The following NSG2 variants were observed in gnomAD, a reference collection of about 807,000 sequenced individuals.
NSG2 encodes neuronal vesicle trafficking-associated protein 2.
Under a neutral mutation model 16.9 loss-of-function variants are expected in NSG2, and 4 were observed. That is an observed-to-expected ratio of 0.24 (90% CI 0.12 to 0.54). The LOEUF is 0.54. Among genes scored for constraint, NSG2 ranks in the 20% least tolerant of loss-of-function variants. The pLI is 0.95. For synonymous variants in NSG2, 98 were observed against 88.7 expected, an observed-to-expected ratio of 1.11 and a Z score of -0.59; for missense variants, 179 against 221.1, an observed-to-expected ratio of 0.81 and a Z score of 1.21.
chr5:174,107,328 C>A lies in NSG2; in HGVS notation c.339C>A (p.Ile113=). ...TTCTTCCCCAGCACAAACGCTGTAT[C>A]CCAGCCTCCCTGGATGCTTACTACT... The part of the protein sequence containing the change: ...EGFVYKHKRC[I]PASLDAYYSS... The change falls in exon 5 of 5, where the codon ATC becomes ATA. Residue 113 remains isoleucine, a synonymous_variant. Transcript: ENST00000303177. This position sits in a 1 kb window ranked among gnomAD's most constrained non-coding sequence, Gnocchi z 4.5. 1 of 1,572,112 alleles carries A rather than the reference C, an allele frequency of 6.4e-7. No individual in the cohort carries two copies. The highest frequency in any genetic ancestry group is 8.7e-7 in the Non-Finnish European group (1 of 1,153,284).
intron 3 of NSG2, 111 bp downstream of exon 3, chr5:174,064,426 G>A (rs1760107973): frequency 1.7e-6 from 1 of 589,838 alleles, no homozygotes; most frequent in Non-Finnish European, 3.0e-6. Context: ...AATGATGCAG[G>A]CTATTTCTGG....
chr5:174,107,261 A>G lies in NSG2; in HGVS notation c.325-53A>G. On this transcript the variant is annotated intron_variant, in intron 4 of 4. Transcript: ENST00000303177. The surrounding 1 kb of genome is among the most constrained non-coding windows in gnomAD (Gnocchi z 4.5). ...AGTCAGGGTGGCTGTGTTGCTGGGCAGGTTGGGAGCAGTTTGCTGAATGAC... is the reference window on the plus strand; with the variant it reads ...AGTCAGGGTGGCTGTGTTGCTGGGCGGGTTGGGAGCAGTTTGCTGAATGAC... 1.4e-6 allele frequency: 2 copies of G among 1,460,002 alleles called. No homozygotes were observed. Among genetic ancestry groups the G allele is most frequent in the Non-Finnish European group, 1.8e-6 (2 of 1,086,986 alleles). 90.4% of individuals were successfully genotyped at this position (1,460,002 alleles called of 1,614,324 possible).
chr5:174,102,488 T>C (rs924639648), intron 3 of NSG2, among the ~76,000 whole-genome samples: 5 of 152,202 alleles, frequency 3.3e-5, no homozygotes, highest in Admixed American at 6.5e-5. Context: ...ACACAAATTC[T>C]GCTTGTAATA....
chr5:174,061,134 T>TAC (rs57892892), intron 2 of NSG2, among the ~76,000 whole-genome samples: 20,224 of 151,658 alleles, frequency 0.13, 1,793 homozygotes, highest in African/African-American at 0.25. Context: ...ATGTATATAT[T>TAC]ACACACACAC....
rs1759785817 is a variant in NSG2, at chr5:174,045,801, A to G, written c.-65A>G. On this transcript the variant is annotated 5_prime_UTR_variant, in exon 1 of 5. Coordinates refer to ENST00000303177, the MANE Select transcript of NSG2 (RefSeq NM_015980.5). ...ACTCCTGGCCGTCCTCCTCCTCTTC[A>G]AATTGGCTTGAATCTGCTCTGACCC... 1 of 152,394 alleles carries G rather than the reference A, an allele frequency of 6.6e-6. No homozygotes were observed. Among genetic ancestry groups the G allele is most frequent in the Admixed American group, 6.5e-5 (1 of 15,280 alleles). The allele number at this position is 152,394 out of a possible 1,614,324, so 9.4% of individuals were successfully genotyped here.
intron 2 of NSG2, among the ~76,000 whole-genome samples, chr5:174,058,322 T>C (rs934137735): frequency 6.6e-6 from 1 of 152,126 alleles, no homozygotes; most frequent in African/African-American, 2.4e-5. Flanking sequence ...TCCAAACTAC[T>C]CAGGAGGCTG....
intron 2 of NSG2, among the ~76,000 whole-genome samples, chr5:174,057,614 GA>G (rs1434291134): frequency 6.6e-6 from 1 of 152,188 alleles, no homozygotes; most frequent in Non-Finnish European, 1.5e-5. Context: ...TCCTGTGCCT[GA>G]AATGCATACC....
intron 3 of NSG2, chr5:174,084,105 C>G (rs781333708): frequency 6.6e-6 from 1 of 152,170 alleles, no homozygotes; most frequent in African/African-American, 2.4e-5. Flanking sequence ...ATACCTGCCT[C>G]CAACTTATGG....
intron 3 of NSG2, among the ~76,000 whole-genome samples, chr5:174,081,036 T>G (rs532374160): frequency 2.6e-5 from 4 of 152,278 alleles, no homozygotes; most frequent in Non-Finnish European, 5.9e-5. Flanking sequence ...TTTTGTTGTT[T>G]TTTAACTGGG....
intron 3 of NSG2, among the ~76,000 whole-genome samples, chr5:174,094,882 C>A (rs530116973): frequency 6.6e-6 from 1 of 152,328 alleles, no homozygotes; most frequent in Admixed American, 6.5e-5. Context: ...AGCCTCTCCC[C>A]TATCCCATGC....
chr5:174,050,870 C>T (rs536505348), intron 2 of NSG2, among the ~76,000 whole-genome samples: 16 of 152,178 alleles, frequency 1.1e-4, no homozygotes, highest in Admixed American at 8.5e-4. Flanking sequence ...GACTCACTGC[C>T]GCCAAGCCTC....
intron 2 of NSG2, among the ~76,000 whole-genome samples, chr5:174,060,836 A>G (rs1002039364): frequency 1.2e-4 from 18 of 152,182 alleles, no homozygotes; most frequent in Admixed American, 6.5e-4. Flanking sequence ...GCTGTCTTTC[A>G]GCATGTCAGT....
chr5:174,095,846 C>T (rs1051875172), intron 3 of NSG2, among the ~76,000 whole-genome samples: 4 of 152,172 alleles, frequency 2.6e-5, no homozygotes, highest in Non-Finnish European at 5.9e-5. Context: ...TTCCCCTGTC[C>T]TCTTTTTATG....
At chr5:174,063,411 A>T (rs539120280) in intron 2 of NSG2, among the ~76,000 whole-genome samples, 4 of 152,236 alleles carry the variant, frequency 2.6e-5, no homozygotes, top group Non-Finnish European at 5.9e-5. Context: ...AAATAAGATG[A>T]TACAACAGAT....
At chr5:174,085,418 G>C (rs1176713695) in intron 3 of NSG2, among the ~76,000 whole-genome samples, 3 of 152,160 alleles carry the variant, frequency 2.0e-5, no homozygotes, top group Non-Finnish European at 4.4e-5. Context: ...TTCTCTTTCA[G>C]GTTCCTGCAT....
intron 3 of NSG2, among the ~76,000 whole-genome samples, chr5:174,065,760 A>G (rs959340369): frequency 6.6e-6 from 1 of 152,208 alleles, no homozygotes; most frequent in African/African-American, 2.4e-5. Context: ...TGGATGGATG[A>G]TGCAGCAGCC....
intron 3 of NSG2, among the ~76,000 whole-genome samples, chr5:174,074,086 C>A (rs779268860): frequency 5.9e-5 from 9 of 152,134 alleles, no homozygotes. Flanking sequence ...CTCCTCTCCC[C>A]CCAAGAGCTG....
At chr5:174,102,212 A>G (rs879442258) in intron 3 of NSG2, among the ~76,000 whole-genome samples, 14 of 152,164 alleles carry the variant, frequency 9.2e-5, no homozygotes, top group Non-Finnish European at 1.6e-4. Flanking sequence ...CCCGACATCC[A>G]TCTTCCTCTT....
chr5:174,097,831 CTTTG>C (rs1275077018), intron 3 of NSG2, among the ~76,000 whole-genome samples: 2 of 148,778 alleles, frequency 1.3e-5, no homozygotes, highest in South Asian at 2.1e-4. Flanking sequence ...GAGTGTGTCT[CTTTG>C]TGTGTGTCTG....
Sources: gnomAD v4.1 joint callset for allele counts (sites outside exome capture counted in the v4.1 genomes callset) on GRCh38, gnomAD v4.1.1 for gene constraint, Gnocchi (gnomAD v3.1) non-coding constraint, MANE v1.5 for transcripts, NCBI Gene and HGNC (gene_info 2026-07-23, HGNC 2026-07-21) for gene names.